TENM2: variants seen among roughly 807,000 people sequenced by gnomAD.
The protein encoded by TENM2 is teneurin transmembrane protein 2, also known as teneurin-2.
A neutral mutation model predicts 245.2 loss-of-function variants in TENM2; 52 were observed. The ratio of observed to expected loss-of-function variants is 0.21; its 90% confidence interval spans 0.17 to 0.27. The LOEUF is 0.27. TENM2 is among the 10% of genes least tolerant of loss of function. TENM2 has a pLI of 1.00. For synonymous variants in TENM2, 1,363 were observed against 1,438.9 expected (o/e 0.95, Z 1.19); for missense variants, 3,046 against 3,666.8 (o/e 0.83, Z 4.37).
At chr5:167,034,659 T>TAAAAC in the TENM2 span, among the ~76,000 whole-genome samples, 1 of 133,296 alleles carries the variant, frequency 7.5e-6, no homozygotes, top group African/African-American at 2.8e-5. Context: ...AAAAAGAAAA[T>TAAAAC]ATTTTAAAGT....
Position 168,168,189 on chromosome 5 carries a change from G to C in TENM2, c.2569+5432G>C, listed in dbSNP as rs113512780. Among the ~76,000 whole-genome samples the C allele has an allele frequency of 7.8e-3, 1,192 of 152,284 alleles. 22 individuals carry two copies. The highest frequency in any genetic ancestry group is 0.027 in the African/African-American group (1,115 of 41,556). On this transcript the variant is annotated intron_variant, in intron 13 of 28. Coordinates refer to ENST00000518659, the Ensembl canonical transcript of TENM2. Reference sequence around the variant, plus strand: ...GTCTGCACTTTTACCACGCACCCCAGAGTGTCTGATACAAGTGTGTTTGCT... The same window carrying C: ...GTCTGCACTTTTACCACGCACCCCACAGTGTCTGATACAAGTGTGTTTGCT...
At chr5:167,639,741 C>A (rs770231451) in intron 2 of TENM2, among the ~76,000 whole-genome samples, 9 of 152,184 alleles carry the variant, frequency 5.9e-5, no homozygotes, top group East Asian at 3.9e-4. Flanking sequence ...TTAAAAAAAA[C>A]CCATCACTCT....
intron 1 of TENM2, among the ~76,000 whole-genome samples, chr5:167,323,781 C>T (rs554492575): frequency 6.6e-6 from 1 of 152,214 alleles, no homozygotes; most frequent in African/African-American, 2.4e-5. Flanking sequence ...TAACTCAGAG[C>T]ATATAGTACA....
At chr5:167,711,481 T>G (rs1297803583) in intron 2 of TENM2, among the ~76,000 whole-genome samples, 6 of 152,204 alleles carry the variant, frequency 3.9e-5, no homozygotes, top group Non-Finnish European at 7.3e-5. Context: ...CTTTTCGGCC[T>G]GGACCCCTGG....
chr5:167,614,271 C>T (rs1054501330), intron 2 of TENM2, among the ~76,000 whole-genome samples: 1 of 152,084 alleles, frequency 6.6e-6, no homozygotes, highest in Non-Finnish European at 1.5e-5. Context: ...ACGGAATAAA[C>T]AATATCTGTC....
chr5:167,834,798 C>T (rs6895051), intron 2 of TENM2, among the ~76,000 whole-genome samples: 5,312 of 152,104 alleles, frequency 0.035, 327 homozygotes, highest in African/African-American at 0.12. Context: ...TACAGGCGCC[C>T]GCCACCACGC....
Position 167,603,856 on chromosome 5 carries a change from A to T in TENM2, c.502+228383A>T, listed in dbSNP as rs141636164. On this transcript the variant is annotated intron_variant, in intron 2 of 28. Coordinates refer to ENST00000518659, the Ensembl canonical transcript of TENM2. ...AAGACATAGAAGGAATGATTACAACATAGAGTGAAAATGAAAAATGTTGTA... is the reference window on the plus strand; with the variant it reads ...AAGACATAGAAGGAATGATTACAACTTAGAGTGAAAATGAAAAATGTTGTA... 2.2e-3 allele frequency among the ~76,000 whole-genome samples: 340 copies of T among 152,332 alleles called. 2 individuals are homozygous for T. Among genetic ancestry groups the T allele is most frequent in the Non-Finnish European group, 4.0e-3 (272 of 68,038 alleles).
chr5:168,113,194 C>G (rs1282314669), intron 9 of TENM2, among the ~76,000 whole-genome samples: 1 of 152,028 alleles, frequency 6.6e-6, no homozygotes, highest in Non-Finnish European at 1.5e-5. Context: ...GTGGTGCACA[C>G]CTGTGGTCCC....
At chr5:167,174,467 A>T in the TENM2 span, among the ~76,000 whole-genome samples, 14 of 152,200 alleles carry the variant, frequency 9.2e-5, no homozygotes, top group Non-Finnish European at 1.3e-4. Flanking sequence ...ACTGAAAAAC[A>T]GGAATTAATA....
chr5:167,431,970 T>TGTGTATATATATATATATAC lies in TENM2; in HGVS notation c.502+56497_502+56498insGTGTATATATATATATATAC, dbSNP rs1554150945. ...ATATGTATATATATATGTATATATA[T>TGTGTATATATATATATATAC]ATATATATGGAAGTTCAATGCTTTC... is the stretch of plus-strand genomic sequence containing the variant. On this transcript the variant is annotated intron_variant, in intron 2 of 28. Transcript: ENST00000518659. Among the ~76,000 whole-genome samples the TGTGTATATATATATATATAC allele has an allele frequency of 3.9e-4, 53 of 135,530 alleles. 1 individual carries two copies. Among genetic ancestry groups the TGTGTATATATATATATATAC allele is most frequent in the South Asian group, 1.1e-3 (5 of 4,488 alleles). 88.9% of individuals were successfully genotyped at this position (135,530 alleles called of 152,430 possible).
the TENM2 span, among the ~76,000 whole-genome samples, chr5:167,101,679 T>C: frequency 6.6e-5 from 10 of 151,328 alleles, no homozygotes; most frequent in South Asian, 8.4e-4. Flanking sequence ...TCTTGGGCCT[T>C]CACTGACATG....
intron 2 of TENM2, among the ~76,000 whole-genome samples, chr5:167,519,426 A>G (rs1770611948): frequency 6.6e-6 from 1 of 152,098 alleles, no homozygotes; most frequent in Admixed American, 6.6e-5. Flanking sequence ...AGGGTACTAA[A>G]CACAAAACAA....
At chr5:167,398,377 CCTTTCTTTCTTTCTTTCTTTCTTTCTTT>C (rs33991275) in intron 2 of TENM2, among the ~76,000 whole-genome samples, 1 of 137,080 alleles carries the variant, frequency 7.3e-6, no homozygotes, top group Non-Finnish European at 1.5e-5. Flanking sequence ...TTTCTTTCTT[CCTTTCTTTCTTTCTTTCTTTCTTTCTTT>C]CTTTCTTTCT....
the TENM2 span, among the ~76,000 whole-genome samples, chr5:167,205,643 C>T: frequency 1.3e-5 from 2 of 152,058 alleles, no homozygotes; most frequent in African/African-American, 4.8e-5. Flanking sequence ...ACAAAATTAC[C>T]CCAAATTTGC....
At chr5:167,256,674 TG>T in the TENM2 span, among the ~76,000 whole-genome samples, 1 of 152,152 alleles carries the variant, frequency 6.6e-6, no homozygotes, top group African/African-American at 2.4e-5. Flanking sequence ...GGGGATCTTT[TG>T]TTTGGCTGTT....
chr5:167,132,864 C>A, the TENM2 span, among the ~76,000 whole-genome samples: 12 of 152,170 alleles, frequency 7.9e-5, no homozygotes, highest in Non-Finnish European at 1.3e-4. Flanking sequence ...TGGGCTAAGC[C>A]CCCAGGTCCC....
intron 11 of TENM2, among the ~76,000 whole-genome samples, chr5:168,125,885 A>T (rs982157037): frequency 6.6e-6 from 1 of 152,086 alleles, no homozygotes; most frequent in East Asian, 1.9e-4. Context: ...GGGGTCCTAG[A>T]TCCAAAACCC....
intron 7 of TENM2, among the ~76,000 whole-genome samples, chr5:168,082,410 C>T (rs952553944): frequency 2.6e-5 from 4 of 151,982 alleles, no homozygotes; most frequent in South Asian, 2.1e-4. Context: ...TTGTTATTAC[C>T]GATCATCTGA....
chr5:167,901,785 T>C (rs2151519981), intron 3 of TENM2, among the ~76,000 whole-genome samples: 1 of 152,336 alleles, frequency 6.6e-6, no homozygotes, highest in African/African-American at 2.4e-5. Flanking sequence ...TTGACAGGCA[T>C]TTTTGTTGCT....
Sources: gnomAD v4.1 joint callset for allele counts (sites outside exome capture counted in the v4.1 genomes callset) on GRCh38, gnomAD v4.1.1 for gene constraint, MANE v1.5 for transcripts, NCBI Gene and HGNC (gene_info 2026-07-23, HGNC 2026-07-21) for gene names.